Variants in RAI1 observed in about 807,000 individuals in gnomAD.
RAI1 encodes retinoic acid-induced protein 1.
RAI1 carries 9 observed loss-of-function variants against 123.8 expected under a neutral mutation model. The ratio of observed to expected loss-of-function variants is 0.07; its 90% CI spans 0.04 to 0.13. RAI1 has a LOEUF of 0.13. Among genes scored for constraint, RAI1 ranks in the 10% least tolerant of loss-of-function variants. The pLI, the probability that RAI1 is intolerant of heterozygous loss-of-function variation, is 1.00. For synonymous variants in RAI1, 1,231 were observed against 1,127.3 expected, an observed-to-expected ratio of 1.09 and a Z score of -1.84; for missense variants, 2,256 against 2,545.8, an observed-to-expected ratio of 0.89 and a Z score of 2.45.
chr17:17,753,942 A>G (rs2030320000), intron 2 of RAI1, among the ~76,000 whole-genome samples: 2 of 152,162 alleles, frequency 1.3e-5, no homozygotes, highest in African/African-American at 2.4e-5. Flanking sequence ...CACACACTTC[A>G]ACTTTGCATT....
chr17:17,797,209 A>G lies in RAI1; in HGVS notation c.4261A>G (p.Thr1421Ala). 6.2e-7 allele frequency: 1 copy of G among 1,613,804 alleles called. No homozygotes were observed. The highest frequency in any genetic ancestry group is 8.5e-7 in the Non-Finnish European group (1 of 1,180,022). ...KLMNSKKLSS[T>A]DCFKTEAFTS... ...CATGAACAGTAAGAAACTGTCTTCT[A>G]CTGACTGTTTCAAAACCGAGGCCTT... Residue 1421 changes from threonine (T) to alanine (A), a missense_variant, in exon 3 of 6, where the codon ACT (threonine) becomes GCT (alanine). Transcript: ENST00000353383.
chr17:17,700,913 A>G (rs917488726), intron 1 of RAI1, among the ~76,000 whole-genome samples: 5 of 152,160 alleles, frequency 3.3e-5, no homozygotes, highest in African/African-American at 9.7e-5. Flanking sequence ...TGCACGAACA[A>G]TAATAATGGT....
rs1165851213 is a variant in RAI1, at chr17:17,714,089, T to C, written c.-148-9939T>C. ...TTGCATGCCTTCAGCCGCAGGTTGC[T>C]CACCACCTCCCGAGCAGCTCCCTCC... On this transcript the variant is annotated intron_variant, in intron 1 of 5. Coordinates refer to ENST00000353383, the MANE Select transcript of RAI1 (RefSeq NM_030665.4). The surrounding 1 kb of genome is among the most constrained non-coding windows in gnomAD (Gnocchi z 4.9). 6.6e-6 allele frequency among the ~76,000 whole-genome samples: 1 copy of C among 152,130 alleles called. No individual in the cohort carries two copies. The highest frequency in any genetic ancestry group is 2.4e-5 in the African/African-American group (1 of 41,434).
rs1198550652 is a variant in RAI1 at position 17,785,671 on chromosome 17, C to T, written c.-16-7262C>T. ...GCCTTTCCAGTCCCCCTCCTCTCTG[C>T]ACCTCCTTTCCAAGGCCGCTGAGTG... On this transcript the variant is annotated intron_variant, in intron 2 of 5. Coordinates refer to ENST00000353383, the MANE Select transcript of RAI1 (RefSeq NM_030665.4). Among the ~76,000 whole-genome samples the T allele has an allele frequency of 3.3e-5, 5 of 152,224 alleles. No individual in the cohort carries two copies. In the South Asian group the frequency reaches 6.2e-4, roughly 19 times the overall value.
At chr17:17,715,687 C>T (rs1236557288) in intron 1 of RAI1, among the ~76,000 whole-genome samples, 1 of 152,192 alleles carries the variant, frequency 6.6e-6, no homozygotes, top group African/African-American at 2.4e-5. Flanking sequence ...GTTTCTTCTC[C>T]ATCCTTCCAG....
chr17:17,786,483 C>T (rs530569743), intron 2 of RAI1, among the ~76,000 whole-genome samples: 2 of 152,212 alleles, frequency 1.3e-5, no homozygotes, highest in South Asian at 2.1e-4. Context: ...CAAGGTCAGT[C>T]GTGGGGGTGC....
At position 17,810,306 on chromosome 17, in the gene RAI1, G is replaced by T; in HGVS notation, c.*325G>T. ...CCCCGGGGCGCTCAGCCTCCGGCGA[G>T]GGTGGGAGACGGCTTTGTCCTGGGG... On this transcript the variant is annotated 3_prime_UTR_variant, in exon 6 of 6. Coordinates refer to ENST00000353383, the MANE Select transcript of RAI1 (RefSeq NM_030665.4). The surrounding 1 kb of genome is among the most constrained non-coding windows in gnomAD (Gnocchi z 4.6). The T allele has an allele frequency of 2.3e-6, 1 of 442,738 alleles. No homozygotes were observed. The highest frequency in any genetic ancestry group is 4.0e-6 in the Non-Finnish European group (1 of 250,094). The allele number at this position is 442,738 out of a possible 1,614,324, so 27.4% of individuals were successfully genotyped here. A position where few individuals can be genotyped will look rare whatever the true frequency, so the allele number is the denominator to read the frequency against.
In RAI1 at chr17:17,797,360, C is replaced by T. The variant is rs530301043; in HGVS notation, c.4412C>T (p.Pro1471Leu). The T allele has an allele frequency of 2.5e-5, 41 of 1,612,390 alleles. No homozygotes were observed. The highest frequency in any genetic ancestry group is 1.6e-4 in the East Asian group (7 of 44,826). ...GPLEKRPYLG[P>L]ALLLTPRDRA... is the part of the protein sequence containing the mutation. The stretch of plus-strand genomic sequence containing the variant: ...CTGGAGAAGCGGCCCTATCTTGGCC[C>T]GGCTCTGCTCCTGACTCCCCGAGAC... Residue 1471 changes from proline to leucine, a missense_variant, in exon 3 of 6, where the codon CCG becomes CTG. By Grantham distance (98) the Pro-to-Leu change is moderately conservative. Transcript: ENST00000353383.
chr17:17,750,245 G>C (rs889168249), intron 2 of RAI1, among the ~76,000 whole-genome samples: 4 of 152,202 alleles, frequency 2.6e-5, no homozygotes, highest in African/African-American at 9.7e-5. Flanking sequence ...TGCTGTATTG[G>C]TCTCTCTAAT....
At chr17:17,708,722 C>G (rs1028094205) in intron 1 of RAI1, among the ~76,000 whole-genome samples, 1 of 152,180 alleles carries the variant, frequency 6.6e-6, no homozygotes, top group Non-Finnish European at 1.5e-5. Context: ...CTGAGGGCCT[C>G]TGGACAAGGT....
At chr17:17,704,696 G>T (rs1451405833) in intron 1 of RAI1, among the ~76,000 whole-genome samples, 1 of 152,156 alleles carries the variant, frequency 6.6e-6, no homozygotes, top group East Asian at 1.9e-4. Context: ...CCCACTTCAG[G>T]TCCTTCGCCT....
intron 1 of RAI1, among the ~76,000 whole-genome samples, chr17:17,721,095 A>G (rs1195741507): frequency 6.6e-6 from 1 of 151,704 alleles, no homozygotes; most frequent in African/African-American, 2.4e-5. Flanking sequence ...GCGACCTGGA[A>G]TCTGTGAAGG....
chr17:17,699,372 C>T (rs534119699), intron 1 of RAI1, among the ~76,000 whole-genome samples: 9 of 152,366 alleles, frequency 5.9e-5, no homozygotes, highest in Non-Finnish European at 1.0e-4. Flanking sequence ...CCCTTTTGCT[C>T]TCACAGAGCC....
intron 4 of RAI1, among the ~76,000 whole-genome samples, chr17:17,808,427 ATTTTATTTTATT>A: frequency 1.8e-5 from 2 of 112,070 alleles, no homozygotes; most frequent in African/African-American, 3.2e-5. Context: ...ATTTTATTTT[ATTTTATTTTATT>A]TTATTTTATT....
intron 2 of RAI1, among the ~76,000 whole-genome samples, chr17:17,769,221 G>T (rs1428792690): frequency 6.6e-6 from 1 of 152,272 alleles, no homozygotes; most frequent in Non-Finnish European, 1.5e-5. Context: ...TATCTGAGGG[G>T]AGCCCTTTCT....
At chr17:17,722,668 T>A (rs1366428062) in intron 1 of RAI1, among the ~76,000 whole-genome samples, 2 of 152,218 alleles carry the variant, frequency 1.3e-5, no homozygotes, top group African/African-American at 2.4e-5. Flanking sequence ...GCCAGAATCA[T>A]CGAGTCTCAG....
At chr17:17,700,949 C>A (rs920597886) in intron 1 of RAI1, among the ~76,000 whole-genome samples, 1 of 152,212 alleles carries the variant, frequency 6.6e-6, no homozygotes. Flanking sequence ...GCCAGGCGCT[C>A]TTGAGGGTTG....
rs1020476781 is a variant in RAI1 at position 17,799,534 on chromosome 17, G to A, written c.5565+1021G>A. 2.0e-5 allele frequency among the ~76,000 whole-genome samples: 3 copies of A among 152,110 alleles called. No homozygotes were observed. The highest frequency in any genetic ancestry group is 6.5e-5 in the Admixed American group (1 of 15,292). On this transcript the variant is annotated intron_variant, in intron 3 of 5. Coordinates refer to ENST00000353383, the MANE Select transcript of RAI1 (RefSeq NM_030665.4). This position sits in a 1 kb window ranked among gnomAD's most constrained non-coding sequence, Gnocchi z 4.5. ...CTCATCCAGACTTCCGTGGAGTGAC[G>A]CTCCCGGCTCTCAGCGCTGTGTGGT... is the stretch of plus-strand genomic sequence containing the variant.
chr17:17,784,563 A>G (rs2031753115), intron 2 of RAI1, among the ~76,000 whole-genome samples: 2 of 152,202 alleles, frequency 1.3e-5, no homozygotes, highest in Admixed American at 6.5e-5. Context: ...TGCTCTGCAA[A>G]AAGTGTCTTC....
Sources: allele counts gnomAD v4.1 joint callset (sites outside exome capture counted in the v4.1 genomes callset), GRCh38; gene constraint gnomAD v4.1.1; non-coding constraint Gnocchi (gnomAD v3.1); transcripts MANE v1.5; gene names NCBI Gene and HGNC (gene_info 2026-07-23, HGNC 2026-07-21).